The following CIZ1 variants were observed in gnomAD, a reference collection of about 807,000 sequenced individuals.
CIZ1 encodes the protein CDKN1A interacting zinc finger protein 1.
Under a neutral mutation model 118.6 loss-of-function variants are expected in CIZ1, and 58 were observed. The ratio of observed to expected loss-of-function variants is 0.49; its 90% CI spans 0.40 to 0.61. The LOEUF (loss-of-function observed/expected upper bound fraction) is 0.61, where lower values mean the gene tolerates loss of function less well. Ranked by LOEUF, CIZ1 falls within the 20% of genes least tolerant of loss-of-function variation. CIZ1 has a pLI of 0.00. For missense variants in CIZ1, 921 were observed against 1,115.9 expected (o/e 0.83, Z 2.49); for synonymous variants, 448 against 443.4 (o/e 1.01, Z -0.13).
chr9:128,170,212 AT>A, intron 11 of CIZ1, 105 bp from the exon 12 acceptor site: 1 of 949,228 alleles, frequency 1.1e-6, no homozygotes, highest in Non-Finnish European at 1.7e-6. Flanking sequence ...CTCCCACAGG[AT>A]CTCTTAGGGA....
chr9:128,185,787 G>C lies in CIZ1; in HGVS notation c.359-11C>G. On this transcript the variant is annotated splice_polypyrimidine_tract_variant and intron_variant, in intron 4 of 16. Transcript: ENST00000372938. The stretch of plus-strand genomic sequence containing the variant: ...AGCCTCGGAGGTTACCTGCAGGCAA[G>C]AAGACAGGAGAAGAGGGGTCACAAT... The C allele has an allele frequency of 1.9e-6, 3 of 1,591,074 alleles. No individual in the cohort carries two copies. Among genetic ancestry groups the C allele is most frequent in the Non-Finnish European group, 2.6e-6 (3 of 1,160,638 alleles).
At chr9:128,193,438 G>A (rs889478767), upstream of CIZ1, among the ~76,000 whole-genome samples, 6 of 152,070 alleles carry the variant, frequency 3.9e-5, no homozygotes, top group African/African-American at 1.4e-4. Flanking sequence ...ACTGGGCACA[G>A]CGGCTCACCC....
intron 9 of CIZ1, among the ~76,000 whole-genome samples, chr9:128,178,156 G>T (rs1249995402): frequency 1.3e-5 from 2 of 152,136 alleles, no homozygotes; most frequent in Non-Finnish European, 1.5e-5. Flanking sequence ...TGGAAGGGAC[G>T]GATGTGAAGA....
chr9:128,201,654 A>T (rs2131054103), intron 1 of CIZ1, among the ~76,000 whole-genome samples: 1 of 152,310 alleles, frequency 6.6e-6, no homozygotes, highest in South Asian at 2.1e-4. Flanking sequence ...CTGATGCTCC[A>T]GCTGTCTGGT....
intron 8 of CIZ1, 94 bp downstream of exon 8, chr9:128,178,615 C>G (rs1293570866): frequency 6.3e-7 from 1 of 1,584,436 alleles, no homozygotes; most frequent in South Asian, 1.1e-5. Flanking sequence ...AGGCCTAGCC[C>G]TCAGTCCCAG....
In CIZ1 at chr9:128,166,974, G is replaced by C. The variant is rs750628165; in HGVS notation, c.2366-94C>G. The stretch of plus-strand genomic sequence containing the variant: ...GGCCCATGTGCTCCCCAACCCTCTA[G>C]GCAGGGGCAGAAGAGAAGGCTTCCC... On this transcript the variant is annotated intron_variant, in intron 15 of 16. Transcript: ENST00000372938. This position sits in a 1 kb window ranked among gnomAD's most constrained non-coding sequence, Gnocchi z 4.4. The C allele has an allele frequency of 1.9e-6, 3 of 1,607,074 alleles. No homozygotes were observed. In the East Asian group the frequency reaches 6.7e-5, roughly 36 times the overall value.
At chr9:128,188,611 C>T (rs1295667498) in intron 3 of CIZ1, among the ~76,000 whole-genome samples, 2 of 151,560 alleles carry the variant, frequency 1.3e-5, no homozygotes, top group Non-Finnish European at 2.9e-5. Context: ...CTGCACCTGG[C>T]CAAGAGTGTG....
chr9:128,191,800 G>T (rs1040632338), upstream of CIZ1: 7 of 1,440,120 alleles, frequency 4.9e-6, no homozygotes, highest in Non-Finnish European at 6.4e-6. The surrounding 1 kb of genome is among the most constrained non-coding windows in gnomAD (Gnocchi z 5.5). Flanking sequence ...CCGCCCGGAA[G>T]GGTCAGCCAT....
intron 5 of CIZ1, among the ~76,000 whole-genome samples, chr9:128,181,135 G>A (rs1318336268): frequency 6.6e-6 from 1 of 151,000 alleles, no homozygotes; most frequent in Non-Finnish European, 1.5e-5. Flanking sequence ...TTTTTTTTGA[G>A]ACAGAATTTC....
chr9:128,200,630 C>G (rs572279472), intron 1 of CIZ1, among the ~76,000 whole-genome samples: 21 of 150,274 alleles, frequency 1.4e-4, no homozygotes, highest in African/African-American at 4.9e-4. Flanking sequence ...TGCACTCTAA[C>G]CTGAGCGACA....
intron 1 of CIZ1, among the ~76,000 whole-genome samples, chr9:128,201,789 G>T (rs1281089713): frequency 1.3e-5 from 2 of 152,228 alleles, no homozygotes; most frequent in Non-Finnish European, 2.9e-5. Context: ...TTAGTTAACT[G>T]AGGTTCAGAG....
chr9:128,193,941 C>G (rs569343818), upstream of CIZ1, among the ~76,000 whole-genome samples: 9 of 152,264 alleles, frequency 5.9e-5, no homozygotes, highest in African/African-American at 2.2e-4. Flanking sequence ...GCACCTGGCA[C>G]AGAAGGAGCT....
chr9:128,190,110 C>T (rs1832941925), intron 3 of CIZ1, among the ~76,000 whole-genome samples: 5 of 152,172 alleles, frequency 3.3e-5, no homozygotes, highest in Admixed American at 3.3e-4. Context: ...AGAGCCAGCA[C>T]CATGGCCAAG....
Position 128,180,514 on chromosome 9 carries a change from AAATCTTGGTCTGG to A in CIZ1, c.683-4_691del, listed in dbSNP as rs1831444743. On this transcript the variant is annotated splice_acceptor_variant and splice_polypyrimidine_tract_variant and coding_sequence_variant and intron_variant, in exon 7 of 17. Transcript: ENST00000372938. LOFTEE classifies it high-confidence loss of function. ...GGCGATGTCCTCTGGGCAGGGCGGT[AAATCTTGGTCTGG>A]AATGGAGGCATGAGCGAGGGAACTC... 6.2e-7 allele frequency: 1 copy of A among 1,613,788 alleles called. No individual in the cohort carries two copies. Among genetic ancestry groups the A allele is most frequent in the African/African-American group, 1.3e-5 (1 of 74,960 alleles).
chr9:128,179,073 C>T lies in CIZ1; in HGVS notation c.1134G>A (p.Gln378=). The change falls in exon 8 of 17, where the codon CAG becomes CAA. Residue 378 remains glutamine, a synonymous_variant. Transcript: ENST00000372938. ...EAEPQKQVQP[Q]VQPQAHSQGP... is the part of the protein sequence containing the mutation. The stretch of plus-strand genomic sequence containing the variant: ...CCTGTGAATGTGCCTGTGGCTGTAC[C>T]TGTGGCTGCACCTGCTTCTGTGGCT... 6.2e-7 allele frequency: 1 copy of T among 1,613,618 alleles called. No individual in the cohort carries two copies. Among genetic ancestry groups the T allele is most frequent in the Non-Finnish European group, 8.5e-7 (1 of 1,179,554 alleles).
intron 1 of CIZ1, among the ~76,000 whole-genome samples, chr9:128,201,405 A>G (rs376779966): frequency 6.3e-4 from 95 of 151,642 alleles, no homozygotes; most frequent in African/African-American, 2.0e-3. Context: ...AGCTGAGATC[A>G]TGCCACTGCA....
chr9:128,170,458 C>T (rs572971819), intron 11 of CIZ1, among the ~76,000 whole-genome samples: 1 of 152,326 alleles, frequency 6.6e-6, no homozygotes, highest in Non-Finnish European at 1.5e-5. Context: ...GCTTCGCCAG[C>T]CTGGGCAACA....
In CIZ1 at chr9:128,180,739, G is replaced by A. The variant is rs1034218966; in HGVS notation, c.664C>T (p.Arg222Trp). 17 of 1,608,436 alleles carry A rather than the reference G, an allele frequency of 1.1e-5. No homozygotes were observed. Among genetic ancestry groups the A allele is most frequent in the South Asian group, 4.4e-5 (4 of 90,886 alleles). ...PEGSEEAAEP[R>W]MDTPEDQDLP... is the part of the protein sequence containing the mutation. ...CCCTCACCTTCTGGTGTGTCCATCC[G>A]GGGCTCTGCGGCTTCCTCAGACCCC... The change falls in exon 6 of 17, where the codon CGG becomes TGG. Residue 222 changes from arginine to tryptophan, a missense_variant. Arg to Trp is a moderately radical substitution (Grantham distance 101, BLOSUM62 -3). Coordinates refer to ENST00000372938, the MANE Select transcript of CIZ1 (RefSeq NM_001131016.2).
chr9:128,203,657 C>T lies in CIZ1; in HGVS notation c.-6+529G>A. 4 of 1,488,726 alleles carry T rather than the reference C, an allele frequency of 2.7e-6. No homozygotes were observed. The highest frequency in any genetic ancestry group is 1.2e-5 in the South Asian group (1 of 80,004). 92.2% of individuals were successfully genotyped at this position (1,488,726 alleles called of 1,614,324 possible). ...GTAGGCGCGGCGCGCCCCCAGGCGC[C>T]GACCCCCGACCCCCGGGATCCCTGG... On this transcript the variant is annotated intron_variant, in intron 1 of 17. Coordinates refer to the CIZ1 transcript ENST00000372948. The surrounding 1 kb of genome is among the most constrained non-coding windows in gnomAD (Gnocchi z 5.3).
Sources: allele counts gnomAD v4.1 joint callset (sites outside exome capture counted in the v4.1 genomes callset), GRCh38; gene constraint gnomAD v4.1.1; non-coding constraint Gnocchi (gnomAD v3.1); transcripts MANE v1.5; gene names NCBI Gene and HGNC (gene_info 2026-07-23, HGNC 2026-07-21).